The following VTI1B variants were observed in gnomAD, a reference collection of about 807,000 sequenced individuals.
VTI1B encodes vesicle transport through interaction with t-SNAREs 1B.
Under a neutral mutation model 28.6 loss-of-function variants are expected in VTI1B, and 18 were observed. That is an observed-to-expected ratio of 0.63 (90% CI 0.43 to 0.93). The LOEUF is 0.93. Ranked by LOEUF, VTI1B falls within the 40% of genes least tolerant of loss-of-function variation. The pLI is 0.00. For missense variants in VTI1B, 283 were observed against 297.0 expected, an observed-to-expected ratio of 0.95 and a Z score of 0.35; for synonymous variants, 100 against 107.9, an observed-to-expected ratio of 0.93 and a Z score of 0.46.
chr14:67,663,171 C>G (rs1693575901), intron 1 of VTI1B: 2 of 1,531,752 alleles, frequency 1.3e-6, no homozygotes, highest in Non-Finnish European at 1.7e-6. Flanking sequence ...TCTTTAATAC[C>G]TAAAAATTAC....
At chr14:67,663,932 G>A (rs1594839349) in intron 1 of VTI1B, among the ~76,000 whole-genome samples, 1 of 152,222 alleles carries the variant, frequency 6.6e-6, no homozygotes, top group East Asian at 1.9e-4. Flanking sequence ...ACAAAATGAG[G>A]AAGTAGGTCA....
chr14:67,663,325 A>G (rs1410681467), intron 1 of VTI1B: 2 of 628,840 alleles, frequency 3.2e-6, no homozygotes, highest in Non-Finnish European at 5.3e-6. Context: ...TCATTTTTAA[A>G]TAACATTGTT....
Position 67,674,575 on chromosome 14 carries a change from G to A in VTI1B, c.-86C>T, listed in dbSNP as rs191925153. 6.1e-6 allele frequency: 7 copies of A among 1,139,644 alleles called. No homozygotes were observed. The highest frequency in any genetic ancestry group is 6.8e-5 in the Admixed American group (2 of 29,418). 70.6% of individuals were successfully genotyped at this position (1,139,644 alleles called of 1,614,324 possible). A position where few individuals can be genotyped will look rare whatever the true frequency, so the allele number is the denominator to read the frequency against. On this transcript the variant is annotated 5_prime_UTR_variant, in exon 1 of 6. Transcript: ENST00000554659. The stretch of plus-strand genomic sequence containing the variant: ...CCGGCGGTCAGCCGCCCAGCCCAGT[G>A]GCCATAACGGCGACCGCCGCACCAC...
intron 3 of VTI1B, among the ~76,000 whole-genome samples, 152 bp downstream of exon 3, chr14:67,659,577 CAG>C (rs1454355948): frequency 6.7e-6 from 1 of 150,040 alleles, no homozygotes. Context: ...CAAGGGGTAA[CAG>C]GAACTGGATG....
In VTI1B at chr14:67,659,775, C is replaced by T. The variant is rs2037312221; in HGVS notation, c.322G>A (p.Gly108Arg). 2.5e-6 allele frequency: 4 copies of T among 1,613,812 alleles called. No homozygotes were observed. The Admixed American group carries it at 5.0e-5, about 20-fold the overall frequency. Reference protein sequence around the residue: ...TPLTATPGGRGDMKYGIYAVE... With the variant: ...TPLTATPGGRRDMKYGIYAVE... Reference sequence around the variant, plus strand: ...GCATATATGCCATATTTCATGTCTCCTCGGCCTCCAGGTGTGGCTGTCAAA... The same window carrying T: ...GCATATATGCCATATTTCATGTCTCTTCGGCCTCCAGGTGTGGCTGTCAAA... Residue 108 changes from glycine to arginine, a missense_variant, in exon 3 of 6, where the codon GGA becomes AGA. Physicochemically the swap from Gly to Arg is moderately radical, Grantham distance 125. Transcript: ENST00000554659.
chr14:67,664,498 A>ATTTTTTTTTTTTTT (rs11444640), intron 1 of VTI1B, among the ~76,000 whole-genome samples: 1 of 147,072 alleles, frequency 6.8e-6, no homozygotes, highest in Non-Finnish European at 1.5e-5. Flanking sequence ...CTAAAGAGCA[A>ATTTTTTTTTTTTTT]TTTTTTTTTT....
At chr14:67,657,836 C>A (rs1474942925) in intron 3 of VTI1B, among the ~76,000 whole-genome samples, 1 of 149,688 alleles carries the variant, frequency 6.7e-6, no homozygotes, top group Non-Finnish European at 1.5e-5. Context: ...GCAGCCTCTG[C>A]CTCCCGGGCA....
chr14:67,666,031 T>A (rs1214885073), intron 1 of VTI1B, among the ~76,000 whole-genome samples: 3 of 152,204 alleles, frequency 2.0e-5, no homozygotes, highest in African/African-American at 7.2e-5. Context: ...TGGAGCAGTA[T>A]TGTATTATTT....
At chr14:67,663,524 A>G (rs1430749089) in intron 1 of VTI1B, among the ~76,000 whole-genome samples, 1 of 151,844 alleles carries the variant, frequency 6.6e-6, no homozygotes, top group Non-Finnish European at 1.5e-5. Context: ...AATACAAAAA[A>G]TTAGCCTGGT....
At position 67,648,440 on chromosome 14, in the gene VTI1B, GAATA is replaced by G. The variant is rs1408904208; in HGVS notation, c.*2941_*2944del. On this transcript the variant is annotated 3_prime_UTR_variant, in exon 6 of 6. Coordinates refer to ENST00000554659, the MANE Select transcript of VTI1B (RefSeq NM_006370.3). Reference sequence around the variant, plus strand: ...TGTATATTTAAACAATTAAATACAAGAATAAATTGTCAAACTGATGCAGTTCTTT... The same window carrying G: ...TGTATATTTAAACAATTAAATACAAGAATTGTCAAACTGATGCAGTTCTTT... The G allele has an allele frequency of 3.2e-6, 1 of 312,580 alleles. No individual in the cohort carries two copies. Among genetic ancestry groups the G allele is most frequent in the African/African-American group, 2.1e-5 (1 of 46,782 alleles). 19.4% of individuals were successfully genotyped at this position (312,580 alleles called of 1,614,324 possible).
intron 4 of VTI1B, among the ~76,000 whole-genome samples, chr14:67,655,075 C>G (rs905897055): frequency 2.7e-5 from 4 of 146,616 alleles, no homozygotes; most frequent in Admixed American, 1.4e-4. Flanking sequence ...CACAGTGGCT[C>G]ATGCCTGTAA....
At chr14:67,656,663 T>C in intron 3 of VTI1B, 74 bp from the exon 4 acceptor site, 15 of 1,477,014 alleles carry the variant, frequency 1.0e-5, no homozygotes, top group South Asian at 1.4e-5. Context: ...CCTCATCACC[T>C]TCCCCATGTT....
intron 1 of VTI1B, among the ~76,000 whole-genome samples, chr14:67,672,267 C>T (rs1484078711): frequency 6.6e-6 from 1 of 151,192 alleles, no homozygotes; most frequent in Non-Finnish European, 1.5e-5. Flanking sequence ...TACAGGCATG[C>T]ACCACCATGC....
At chr14:67,655,919 C>T (rs1411569676) in intron 4 of VTI1B, among the ~76,000 whole-genome samples, 1 of 152,098 alleles carries the variant, frequency 6.6e-6, no homozygotes, top group Non-Finnish European at 1.5e-5. Context: ...AAAATTGCTT[C>T]TAAGGGACAT....
intron 3 of VTI1B, 99 bp downstream of exon 3, chr14:67,659,632 G>C: frequency 8.1e-7 from 1 of 1,236,212 alleles, no homozygotes; most frequent in South Asian, 1.6e-5. Flanking sequence ...CAAGAGTCTA[G>C]TATACACTGA....
At position 67,650,657 on chromosome 14, in the gene VTI1B, C is replaced by T; in HGVS notation, c.*728G>A. 6.7e-7 allele frequency: 1 copy of T among 1,493,258 alleles called. No individual in the cohort carries two copies. Among genetic ancestry groups the T allele is most frequent in the African/African-American group, 1.4e-5 (1 of 72,490 alleles). The allele number at this position is 1,493,258 out of a possible 1,614,324, so 92.5% of individuals were successfully genotyped here. A position where few individuals can be genotyped will look rare whatever the true frequency, so the allele number is the denominator to read the frequency against. The stretch of plus-strand genomic sequence containing the variant: ...TGTTCTCCCTGTCCCAGTGGGATGA[C>T]CCTCACTGAGAGTAGCAGCAAGGGA... On this transcript the variant is annotated 3_prime_UTR_variant, in exon 6 of 6. Transcript: ENST00000554659.
intron 4 of VTI1B, among the ~76,000 whole-genome samples, chr14:67,654,768 G>A (rs1025358892): frequency 7.2e-5 from 11 of 152,006 alleles, no homozygotes; most frequent in Admixed American, 2.0e-4. Flanking sequence ...AGTGGCTCAC[G>A]CTTATAATTC....
Position 67,651,123 on chromosome 14 carries a change from A to G in VTI1B, c.*262T>C. The G allele has an allele frequency of 1.1e-6, 1 of 900,202 alleles. No individual in the cohort carries two copies. Among genetic ancestry groups the G allele is most frequent in the Non-Finnish European group, 1.7e-6 (1 of 605,364 alleles). The allele number at this position is 900,202 out of a possible 1,614,324, so 55.8% of individuals were successfully genotyped here. On this transcript the variant is annotated 3_prime_UTR_variant, in exon 6 of 6. Transcript: ENST00000554659. ...TTTGGTTTTTTGCAGTTCACAGGGT[A>G]TTAATATGCTACAGTACTATGTAAA...
chr14:67,656,529 TG>T lies in VTI1B; in HGVS notation c.426del (p.Thr143ProfsTer22). ...CGATGAGAACGTTCAATACTTTGGG[TG>T]GCCCGGTTCAGGCTTTCAGTGCCCT... ...LLQGTESLNR[A>X]TQSIERSHRI... is the part of the protein sequence containing the mutation. On this transcript the variant is annotated frameshift_variant, in exon 4 of 6. Transcript: ENST00000554659. LOFTEE classifies it high-confidence loss of function. The T allele has an allele frequency of 6.2e-7, 1 of 1,613,970 alleles. No individual in the cohort carries two copies. Among genetic ancestry groups the T allele is most frequent in the Non-Finnish European group, 8.5e-7 (1 of 1,179,862 alleles).
Sources: allele counts gnomAD v4.1 joint callset (sites outside exome capture counted in the v4.1 genomes callset), GRCh38; gene constraint gnomAD v4.1.1; transcripts MANE v1.5; gene names NCBI Gene and HGNC (gene_info 2026-07-23, HGNC 2026-07-21).